USP42: variants seen among roughly 807,000 people sequenced by gnomAD.
USP42 encodes ubiquitin specific peptidase 42, also known as ubiquitin carboxyl-terminal hydrolase 42.
A neutral mutation model predicts 113.0 loss-of-function variants in USP42; 23 were observed. The ratio of observed to expected loss-of-function variants is 0.20; its 90% CI spans 0.15 to 0.29. The LOEUF is 0.29. Among genes scored for constraint, USP42 ranks in the 10% least tolerant of loss-of-function variants. The pLI, the probability that USP42 is intolerant of heterozygous loss-of-function variation, is 1.00. For missense variants in USP42, 2,174 were observed against 1,779.8 expected, an observed-to-expected ratio of 1.22 and a Z score of -3.99; for synonymous variants, 933 against 699.0, an observed-to-expected ratio of 1.33 and a Z score of -5.28.
In USP42 at chr7:6,154,678, C is replaced by T. The variant is rs777135355; in HGVS notation, c.3124C>T (p.Arg1042Cys). Residue 1042 changes from arginine (R) to cysteine (C), a missense_variant, in exon 15 of 18, where the codon CGT becomes TGT. Physicochemically the swap from Arg to Cys is radical, Grantham distance 180. Coordinates refer to ENST00000306177, the MANE Select transcript of USP42 (RefSeq NM_032172.3). The part of the protein sequence containing the change: ...WVRHHYTEGE[R>C]GWGREKFYPD... ...CAGACACCACTACACCGAGGGCGAG[C>T]GTGGCTGGGGCCGGGAGAAGTTCTA... is the stretch of plus-strand genomic sequence containing the variant. 20 of 1,605,142 alleles carry T rather than the reference C, an allele frequency of 1.2e-5. No homozygotes were observed. Among genetic ancestry groups the T allele is most frequent in the Middle Eastern group, 1.6e-4 (1 of 6,064 alleles).
chr7:6,089,091 CTGGAG>C, the USP42 span, among the ~76,000 whole-genome samples: 5 of 150,796 alleles, frequency 3.3e-5, no homozygotes, highest in East Asian at 9.6e-4. Flanking sequence ...GTTGCCCAGG[CTGGAG>C]TGAAGTGGTG....
At chr7:6,098,754 C>G in the USP42 span, among the ~76,000 whole-genome samples, 1 of 150,062 alleles carries the variant, frequency 6.7e-6, no homozygotes, top group Non-Finnish European at 1.5e-5. Context: ...CCATGTTGGC[C>G]AGGCTGGTCT....
At chr7:6,082,603 GT>G in the USP42 span, among the ~76,000 whole-genome samples, 454 of 90,130 alleles carry the variant, frequency 5.0e-3, 2 homozygotes, top group African/African-American at 0.021. Context: ...CTTTCTTTCT[GT>G]TTTTTTTTTT....
At chr7:6,150,374 T>G (rs202090545) in intron 13 of USP42, 38 bp from the exon 14 acceptor site, 459 of 1,612,254 alleles carry the variant, frequency 2.8e-4, no homozygotes, top group Non-Finnish European at 3.7e-4. Flanking sequence ...GGCATGGAGC[T>G]GGCGACTGAA....
chr7:6,151,385 A>G (rs968947291), intron 14 of USP42, among the ~76,000 whole-genome samples: 3 of 152,260 alleles, frequency 2.0e-5, no homozygotes, highest in African/African-American at 7.2e-5. Context: ...CTCTTTTGTA[A>G]TAACACTTAG....
chr7:6,149,278 A>T (rs1781899618), intron 12 of USP42, among the ~76,000 whole-genome samples: 1 of 151,954 alleles, frequency 6.6e-6, no homozygotes, highest in African/African-American at 2.4e-5. Context: ...CAAGTGTGTG[A>T]CTCCATGCCA....
intron 3 of USP42, chr7:6,116,401 A>T (rs1475040680): frequency 5.9e-6 from 1 of 169,556 alleles, no homozygotes; most frequent in African/African-American, 2.4e-5. Context: ...AACCTTCAGA[A>T]TTTGGAACAT....
chr7:6,144,682 G>A (rs1046665484), intron 9 of USP42, among the ~76,000 whole-genome samples: 2 of 152,082 alleles, frequency 1.3e-5, no homozygotes, highest in East Asian at 3.9e-4. Context: ...CCACTCTGGC[G>A]AACGTGGCAA....
the USP42 span, among the ~76,000 whole-genome samples, chr7:6,091,973 TA>T: frequency 6.7e-5 from 9 of 133,440 alleles, 1 homozygote; most frequent in South Asian, 1.2e-3. Flanking sequence ...CTCAAGGACG[TA>T]TTTTTTCTTC....
chr7:6,082,175 C>A, the USP42 span, among the ~76,000 whole-genome samples: 2 of 151,312 alleles, frequency 1.3e-5, no homozygotes, highest in African/African-American at 4.9e-5. Flanking sequence ...GTCGCCCAGG[C>A]TGGAGTGCAG....
intron 3 of USP42, among the ~76,000 whole-genome samples, chr7:6,129,620 G>A (rs946002117): frequency 1.1e-4 from 17 of 151,144 alleles, no homozygotes; most frequent in African/African-American, 3.6e-4. Context: ...CAGCACTTTG[G>A]GAGGCCGAGG....
At chr7:6,090,739 CTA>C in the USP42 span, among the ~76,000 whole-genome samples, 3 of 144,614 alleles carry the variant, frequency 2.1e-5, no homozygotes, top group African/African-American at 2.6e-5. Context: ...ACAAAACTAA[CTA>C]TATATATATT....
chr7:6,092,178 C>CTT, the USP42 span, among the ~76,000 whole-genome samples: 1 of 91,426 alleles, frequency 1.1e-5, no homozygotes, highest in Non-Finnish European at 2.3e-5. Flanking sequence ...TTCTTCTTCT[C>CTT]TTTTTTTTTT....
chr7:6,139,916 C>G lies in USP42; in HGVS notation c.657-212C>G, dbSNP rs1305816325. ...TTCCTGACAGACACAGCTCCCACAG[C>G]TCTGCGTCTCCTCCCGCCACTCCCA... On this transcript the variant is annotated intron_variant, in intron 5 of 17. Transcript: ENST00000306177. The surrounding 1 kb of genome is among the most constrained non-coding windows in gnomAD (Gnocchi z 4.5). The G allele has an allele frequency of 3.0e-5, 18 of 594,526 alleles. No individual in the cohort carries two copies. The highest frequency in any genetic ancestry group is 5.1e-5 in the Non-Finnish European group (17 of 332,596). 36.8% of individuals were successfully genotyped at this position (594,526 alleles called of 1,614,324 possible). A position where few individuals can be genotyped will look rare whatever the true frequency, so the allele number is the denominator to read the frequency against.
intron 3 of USP42, among the ~76,000 whole-genome samples, chr7:6,135,058 G>C (rs930643535): frequency 1.3e-5 from 2 of 152,328 alleles, no homozygotes; most frequent in South Asian, 2.1e-4. Context: ...CCAGAGTGCT[G>C]AGATGATAGG....
intron 3 of USP42, among the ~76,000 whole-genome samples, chr7:6,129,860 CAAAA>C (rs35237852): frequency 2.7e-5 from 2 of 73,118 alleles, no homozygotes; most frequent in Admixed American, 1.7e-4. Context: ...GACTCTGTCT[CAAAA>C]AAAAAAAAAA....
intron 14 of USP42, 104 bp from the exon 15 acceptor site, chr7:6,153,652 C>G (rs180734426): frequency 7.6e-7 from 1 of 1,307,374 alleles, no homozygotes; most frequent in African/African-American, 1.6e-5. Flanking sequence ...AATAAAGAGA[C>G]GAAATAGCAA....
At chr7:6,135,651 C>CAAAAAAAAAAAAA (rs1173165919) in intron 3 of USP42, among the ~76,000 whole-genome samples, 190 bp from the exon 4 acceptor site, 26 of 16,108 alleles carry the variant, frequency 1.6e-3, no homozygotes, top group East Asian at 2.2e-3. Flanking sequence ...GACTCCATCT[C>CAAAAAAAAAAAAA]AAAAAAAAAA....
At chr7:6,105,198 G>A (rs1257243057) in intron 1 of USP42, among the ~76,000 whole-genome samples, 166 bp downstream of exon 1, 1 of 145,256 alleles carries the variant, frequency 6.9e-6, no homozygotes. Flanking sequence ...GGGCCGCCCG[G>A]GACCCCGCCG....
Sources: allele counts gnomAD v4.1 joint callset (sites outside exome capture counted in the v4.1 genomes callset), GRCh38; gene constraint gnomAD v4.1.1; non-coding constraint Gnocchi (gnomAD v3.1); transcripts MANE v1.5; gene names NCBI Gene and HGNC (gene_info 2026-07-23, HGNC 2026-07-21).